Variants in MRPL18 observed in about 807,000 individuals in gnomAD.
MRPL18 encodes mitochondrial ribosomal protein L18.
MRPL18 carries 16 observed loss-of-function variants against 20.9 expected under a neutral mutation model. The observed-to-expected ratio is 0.76, with a 90% CI of 0.52 to 1.16. MRPL18 has a LOEUF of 1.16. Among genes scored for constraint, MRPL18 ranks in the 50% most tolerant of loss-of-function variants. The pLI, the probability that MRPL18 is intolerant of heterozygous loss-of-function variation, is 0.00. For missense variants in MRPL18, 233 were observed against 230.6 expected (o/e 1.01, Z -0.07); for synonymous variants, 91 against 87.1 (o/e 1.04, Z -0.25).
At chr6:159,797,673 C>T (rs1781067463) in intron 3 of MRPL18, among the ~76,000 whole-genome samples, 155 bp downstream of exon 3, 2 of 152,226 alleles carry the variant, frequency 1.3e-5, no homozygotes, top group African/African-American at 2.4e-5. Context: ...TTAATCCTCA[C>T]ATCAGTCCAT....
chr6:159,794,313 G>T lies in MRPL18; in HGVS notation c.240-2974G>T, dbSNP rs370235261. Among the ~76,000 whole-genome samples the T allele has an allele frequency of 2.0e-5, 3 of 152,174 alleles. No homozygotes were observed. The East Asian group carries it at 5.8e-4, about 29-fold the overall frequency. ...CATTGACTCTGGAGCCAGACACTGG[G>T]ACTTAAACCATGGCTCCATTACTTA... On this transcript the variant is annotated intron_variant, in intron 2 of 3. Transcript: ENST00000367034.
intron 2 of MRPL18, among the ~76,000 whole-genome samples, chr6:159,792,208 C>T (rs983462878): frequency 2.6e-5 from 4 of 152,092 alleles, no homozygotes; most frequent in African/African-American, 7.2e-5. Flanking sequence ...AGAGCCAGGA[C>T]GCTAGGTTAT....
chr6:159,796,773 C>A (rs1013606102), intron 2 of MRPL18, among the ~76,000 whole-genome samples: 1 of 152,040 alleles, frequency 6.6e-6, no homozygotes, highest in African/African-American at 2.4e-5. Flanking sequence ...GACAGTGAGA[C>A]CCTGTTTCTG....
chr6:159,792,430 T>TA (rs757769205), intron 2 of MRPL18, among the ~76,000 whole-genome samples: 1 of 152,190 alleles, frequency 6.6e-6, no homozygotes, highest in South Asian at 2.1e-4. Context: ...AGGCAGGAGT[T>TA]ACAAAGATAA....
intron 2 of MRPL18, among the ~76,000 whole-genome samples, chr6:159,794,085 A>G (rs931862563): frequency 3.3e-5 from 5 of 152,352 alleles, no homozygotes; most frequent in Admixed American, 1.3e-4. Flanking sequence ...AGGGTAACAT[A>G]TACGTATGTT....
intron 3 of MRPL18, 77 bp from the exon 4 acceptor site, chr6:159,797,975 T>C: frequency 1.7e-6 from 2 of 1,204,892 alleles, no homozygotes; most frequent in South Asian, 1.3e-5. Context: ...TTCTGTCTTT[T>C]GGAAGGTGAA....
intron 2 of MRPL18, among the ~76,000 whole-genome samples, chr6:159,796,179 C>CT (rs1781025469): frequency 1.9e-5 from 1 of 53,232 alleles, no homozygotes; most frequent in African/African-American, 8.1e-5. Flanking sequence ...TCCATCATTT[C>CT]TTTTTTATGC....
chr6:159,793,455 C>A (rs10945635), intron 2 of MRPL18, among the ~76,000 whole-genome samples: 118,414 of 152,094 alleles, frequency 0.78, 46,381 homozygotes, highest in South Asian at 0.85. Context: ...TTCTTAGAAC[C>A]TAGCTGTACC....
rs377326442 is a variant in MRPL18 at position 159,797,538 on chromosome 6, C to T, written c.471+20C>T. The stretch of plus-strand genomic sequence containing the variant: ...GACTCGGTATTTTTGTTTTCATGTA[C>T]TTATTGAAAAGGTATTGTGTTAATT... On this transcript the variant is annotated intron_variant, in intron 3 of 3. Transcript: ENST00000367034. 3.0e-4 allele frequency: 473 copies of T among 1,598,354 alleles called. 1 individual carries two copies. Among genetic ancestry groups the T allele is most frequent in the Middle Eastern group, 6.6e-4 (4 of 6,028 alleles).
At chr6:159,793,618 TGTGA>T (rs1457669739) in intron 2 of MRPL18, among the ~76,000 whole-genome samples, 1 of 152,140 alleles carries the variant, frequency 6.6e-6, no homozygotes, top group Admixed American at 6.5e-5. Flanking sequence ...TTTAACAGAT[TGTGA>T]TTTTTGGCCG....
intron 2 of MRPL18, among the ~76,000 whole-genome samples, chr6:159,793,172 A>G (rs557279561): frequency 6.6e-6 from 1 of 152,132 alleles, no homozygotes; most frequent in Admixed American, 6.5e-5. Flanking sequence ...AAAAATAACT[A>G]AAGATGTATT....
intron 1 of MRPL18, 85 bp downstream of exon 1, chr6:159,790,724 G>T: frequency 6.4e-7 from 1 of 1,560,778 alleles, no homozygotes; most frequent in South Asian, 1.1e-5. Flanking sequence ...TTTTGTATTC[G>T]ACGTGCCGGA....
At chr6:159,794,086 T>C (rs1050351825) in intron 2 of MRPL18, among the ~76,000 whole-genome samples, 10 of 152,228 alleles carry the variant, frequency 6.6e-5, no homozygotes, top group African/African-American at 2.4e-4. Flanking sequence ...GGGTAACATA[T>C]ACGTATGTTA....
At chr6:159,797,818 C>A (rs1781073551) in intron 3 of MRPL18, among the ~76,000 whole-genome samples, 1 of 152,196 alleles carries the variant, frequency 6.6e-6, no homozygotes, top group Non-Finnish European at 1.5e-5. Flanking sequence ...ATTTCCTGTT[C>A]ATATATTGAC....
chr6:159,797,160 A>T, intron 2 of MRPL18, 127 bp from the exon 3 acceptor site: 1 of 882,092 alleles, frequency 1.1e-6, no homozygotes, highest in Non-Finnish European at 1.7e-6. Context: ...ATCCAAGTTA[A>T]ATATGTTGAA....
chr6:159,797,419 T>A lies in MRPL18; in HGVS notation c.372T>A (p.Ala124=). Residue 124 remains alanine, a synonymous_variant, in exon 3 of 4, where the codon GCT becomes GCA. Transcript: ENST00000367034. The part of the protein sequence containing the change: ...KHLYSTRNVV[A]CESIGRVLAQ... The stretch of plus-strand genomic sequence containing the variant: ...TTTATAGTACCAGAAATGTGGTGGC[T>A]TGTGAGAGTATAGGACGAGTGCTGG... The A allele has an allele frequency of 6.2e-7, 1 of 1,614,150 alleles. No homozygotes were observed. Among genetic ancestry groups the A allele is most frequent in the Non-Finnish European group, 8.5e-7 (1 of 1,180,024 alleles).
chr6:159,797,249 ATTC>A (rs1484231429), intron 2 of MRPL18, 35 bp from the exon 3 acceptor site: 1 of 1,559,956 alleles, frequency 6.4e-7, no homozygotes, highest in Non-Finnish European at 8.8e-7. Flanking sequence ...TAGGATACAG[ATTC>A]TTCTGTGATT....
At position 159,798,294 on chromosome 6, in the gene MRPL18, T is replaced by G. The variant is rs1386375095; in HGVS notation, c.*171T>G. ...CTCCTCCCCTTTCTGTTTTTTTAAA[T>G]CAAGAACTACGTTCTGCCCCTCTCT... On this transcript the variant is annotated 3_prime_UTR_variant, in exon 4 of 4. Transcript: ENST00000367034. The G allele has an allele frequency of 1.9e-6, 1 of 533,692 alleles. No homozygotes were observed. The highest frequency in any genetic ancestry group is 2.0e-5 in the African/African-American group (1 of 51,006). The allele number at this position is 533,692 out of a possible 1,614,324, so 33.1% of individuals were successfully genotyped here.
At position 159,797,987 on chromosome 6, in the gene MRPL18, G is replaced by A. The variant is rs1326719313; in HGVS notation, c.472-65G>A. On this transcript the variant is annotated intron_variant, in intron 3 of 3. Transcript: ENST00000367034. ...TATTTCTGTCTTTTGGAAGGTGAAA[G>A]TATTTTCAGCCTACTCGTGCTGCTG... The A allele has an allele frequency of 2.1e-5, 28 of 1,327,640 alleles. No individual in the cohort carries two copies. The African/African-American group carries it at 4.0e-4, about 19-fold the overall frequency. 82.2% of individuals were successfully genotyped at this position (1,327,640 alleles called of 1,614,324 possible).
Sources: gnomAD v4.1 joint callset for allele counts (sites outside exome capture counted in the v4.1 genomes callset) on GRCh38, gnomAD v4.1.1 for gene constraint, MANE v1.5 for transcripts, NCBI Gene and HGNC (gene_info 2026-07-23, HGNC 2026-07-21) for gene names.